Variants in YEATS4 observed in about 807,000 individuals in gnomAD.
YEATS4 encodes the protein YEATS domain-containing protein 4.
YEATS4 carries 17 observed loss-of-function variants against 30.1 expected under a neutral mutation model. The ratio of observed to expected loss-of-function variants is 0.56; its 90% CI spans 0.39 to 0.85. YEATS4 has a LOEUF of 0.85. Among genes scored for constraint, YEATS4 ranks in the 40% least tolerant of loss-of-function variants. The probability of loss-of-function intolerance (pLI) is 0.00; values close to 1 mark genes in which losing one functional copy is unlikely to be tolerated. For synonymous variants in YEATS4, 85 were observed against 87.5 expected, an observed-to-expected ratio of 0.97 and a Z score of 0.16; for missense variants, 142 against 268.3, an observed-to-expected ratio of 0.53 and a Z score of 3.29.
intron 6 of YEATS4, among the ~76,000 whole-genome samples, chr12:69,385,492 A>G (rs1337007038): frequency 6.6e-6 from 1 of 152,200 alleles, no homozygotes; most frequent in African/African-American, 2.4e-5. Context: ...GAGTCTGTAC[A>G]TGTATAAACT....
intron 6 of YEATS4, among the ~76,000 whole-genome samples, chr12:69,372,536 A>G (rs1416230129): frequency 1.4e-4 from 10 of 70,858 alleles, no homozygotes; most frequent in African/African-American, 2.2e-4. Context: ...GTATCTCATG[A>G]GTTTTTTTTT....
chr12:69,364,288 C>CAAAAA, intron 2 of YEATS4: 1 of 314,814 alleles, frequency 3.2e-6, no homozygotes, highest in Admixed American at 4.2e-5. Flanking sequence ...TCCATCTCTA[C>CAAAAA]AGAAAAAAAA....
chr12:69,423,382 G>A, the YEATS4 span, among the ~76,000 whole-genome samples: 1 of 152,218 alleles, frequency 6.6e-6, no homozygotes, highest in Non-Finnish European at 1.5e-5. Flanking sequence ...TATAAACAGG[G>A]CACTTTTGAG....
downstream of YEATS4, among the ~76,000 whole-genome samples, chr12:69,392,805 A>G (rs1453446918): frequency 6.6e-6 from 1 of 152,210 alleles, no homozygotes; most frequent in Non-Finnish European, 1.5e-5. Flanking sequence ...TGTCTCATTA[A>G]TACTTAATTC....
At position 69,362,883 on chromosome 12, in the gene YEATS4, A is replaced by AT. The variant is rs1565674126; in HGVS notation, c.148dup (p.Tyr50LeufsTer6). On this transcript the variant is annotated frameshift_variant, in exon 2 of 7. Coordinates refer to ENST00000247843, the MANE Select transcript of YEATS4 (RefSeq NM_006530.4). LOFTEE classifies it high-confidence loss of function. ...ATGGGCACACTCATCAGTGGACAGTATATGTGAAACCATATAGAAATGAGG... is the reference window on the plus strand; with the variant it reads ...ATGGGCACACTCATCAGTGGACAGTATTATGTGAAACCATATAGAAATGAGG... The AT allele has an allele frequency of 6.3e-7, 1 of 1,599,236 alleles. No homozygotes were observed.
the YEATS4 span, among the ~76,000 whole-genome samples, chr12:69,421,779 C>T: frequency 2.0e-5 from 3 of 152,180 alleles, no homozygotes; most frequent in African/African-American, 4.8e-5. Flanking sequence ...CGGCTGTACC[C>T]ACATCATTGT....
At chr12:69,375,789 G>A (rs1334150133) in intron 6 of YEATS4, among the ~76,000 whole-genome samples, 2 of 152,050 alleles carry the variant, frequency 1.3e-5, no homozygotes, top group African/African-American at 4.8e-5. Context: ...GCAATCCCAG[G>A]CACTCGGCAG....
In YEATS4 at chr12:69,390,342, A is replaced by C; in HGVS notation, c.*26A>C. 1 of 1,525,696 alleles carries C rather than the reference A, an allele frequency of 6.6e-7. No individual in the cohort carries two copies. The highest frequency in any genetic ancestry group is 8.7e-7 in the Non-Finnish European group (1 of 1,143,328). 94.5% of individuals were successfully genotyped at this position (1,525,696 alleles called of 1,614,324 possible). A position where few individuals can be genotyped will look rare whatever the true frequency, so the allele number is the denominator to read the frequency against. ...ACAGTTCTCATGAGAACTTGGTAGTAAGCTAAACTGAAAATAAGGTGGGCT... is the reference window on the plus strand; with the variant it reads ...ACAGTTCTCATGAGAACTTGGTAGTCAGCTAAACTGAAAATAAGGTGGGCT... On this transcript the variant is annotated 3_prime_UTR_variant, in exon 7 of 7. Coordinates refer to ENST00000247843, the MANE Select transcript of YEATS4 (RefSeq NM_006530.4).
the YEATS4 span, among the ~76,000 whole-genome samples, chr12:69,401,389 G>T: frequency 6.6e-6 from 1 of 152,150 alleles, no homozygotes; most frequent in Non-Finnish European, 1.5e-5. Context: ...TATTTTGGGG[G>T]AAAGCAGTGA....
the YEATS4 span, among the ~76,000 whole-genome samples, chr12:69,398,046 C>G: frequency 1.3e-5 from 2 of 152,212 alleles, no homozygotes; most frequent in African/African-American, 4.8e-5. Context: ...TAAAAAAACA[C>G]TCAACGAATT....
intron 1 of YEATS4, among the ~76,000 whole-genome samples, chr12:69,360,607 C>A (rs1037955102): frequency 7.2e-5 from 11 of 151,758 alleles, no homozygotes; most frequent in Non-Finnish European, 1.0e-4. Flanking sequence ...TTACCATAGA[C>A]CCTAGCGTAA....
chr12:69,420,041 C>G, the YEATS4 span, among the ~76,000 whole-genome samples: 1 of 152,170 alleles, frequency 6.6e-6, no homozygotes, highest in Non-Finnish European at 1.5e-5. Flanking sequence ...CTAACAGTCT[C>G]TTAAGCACCA....
At chr12:69,399,021 C>T in the YEATS4 span, among the ~76,000 whole-genome samples, 3 of 151,762 alleles carry the variant, frequency 2.0e-5, no homozygotes, top group Non-Finnish European at 2.9e-5. Flanking sequence ...GTGGCGGGTG[C>T]CTGTAGTCCC....
chr12:69,423,905 A>T, the YEATS4 span, among the ~76,000 whole-genome samples: 1 of 152,162 alleles, frequency 6.6e-6, no homozygotes, highest in African/African-American at 2.4e-5. Flanking sequence ...GTATAAATGG[A>T]TGTCTAAGGG....
the YEATS4 span, among the ~76,000 whole-genome samples, chr12:69,424,550 A>G: frequency 1.3e-5 from 2 of 152,140 alleles, no homozygotes; most frequent in Non-Finnish European, 1.5e-5. Flanking sequence ...CCCAAATTCC[A>G]TCTTGAATTG....
chr12:69,362,977 CTGTAGTT>C, intron 2 of YEATS4, 70 bp downstream of exon 2: 33 of 482,524 alleles, frequency 6.8e-5, no homozygotes, highest in Non-Finnish European at 8.8e-5. Context: ...TAAAGACAAC[CTGTAGTT>C]TTTTTTTTTT....
At chr12:69,382,358 G>A (rs920734560) in intron 6 of YEATS4, among the ~76,000 whole-genome samples, 16 of 152,134 alleles carry the variant, frequency 1.1e-4, no homozygotes, top group African/African-American at 3.9e-4. Flanking sequence ...GAAACCTTAG[G>A]AATAATCCTG....
chr12:69,396,509 G>A, the YEATS4 span, among the ~76,000 whole-genome samples: 5 of 152,132 alleles, frequency 3.3e-5, no homozygotes, highest in Admixed American at 2.6e-4. Flanking sequence ...GAGGTTTACT[G>A]TTACTGTTAT....
At chr12:69,413,162 C>T in the YEATS4 span, among the ~76,000 whole-genome samples, 1 of 151,866 alleles carries the variant, frequency 6.6e-6, no homozygotes, top group African/African-American at 2.4e-5. Flanking sequence ...CCTACTATCC[C>T]ACCACTGTGA....
Sources: allele counts gnomAD v4.1 joint callset (sites outside exome capture counted in the v4.1 genomes callset), GRCh38; gene constraint gnomAD v4.1.1; transcripts MANE v1.5; gene names NCBI Gene and HGNC (gene_info 2026-07-23, HGNC 2026-07-21).